TIAM2: variants seen among roughly 807,000 people sequenced by gnomAD.
The protein encoded by TIAM2 is TIAM Rac1 associated GEF 2, also known as rho guanine nucleotide exchange factor TIAM2.
TIAM2 carries 80 observed loss-of-function variants against 152.9 expected under a neutral mutation model. The ratio of observed to expected loss-of-function variants is 0.52; its 90% CI spans 0.44 to 0.63. TIAM2 has a LOEUF of 0.63. TIAM2 is among the 30% of genes least tolerant of loss of function. The pLI, the probability that TIAM2 is intolerant of heterozygous loss-of-function variation, is 0.00. For synonymous variants in TIAM2, 804 were observed against 838.0 expected (o/e 0.96, Z 0.70); for missense variants, 1,965 against 2,120.1 (o/e 0.93, Z 1.44).
At chr6:155,054,175 C>CAAACA (rs146303429) in intron 1 of TIAM2, among the ~76,000 whole-genome samples, 8,113 of 151,908 alleles carry the variant, frequency 0.053, 686 homozygotes, top group African/African-American at 0.18. Flanking sequence ...CTGCATCTCA[C>CAAACA]AAACAAAACA....
intron 1 of TIAM2, among the ~76,000 whole-genome samples, chr6:155,024,401 T>C: frequency 6.6e-6 from 1 of 152,098 alleles, no homozygotes; most frequent in Non-Finnish European, 1.5e-5. Context: ...ACAAATTTCC[T>C]GGAAGAAATT....
intron 1 of TIAM2, among the ~76,000 whole-genome samples, chr6:155,039,748 G>A (rs1562297908): frequency 1.3e-5 from 2 of 152,168 alleles, no homozygotes; most frequent in African/African-American, 4.8e-5. Flanking sequence ...TAAGCTTCAT[G>A]AGTTTAATGT....
intron 16 of TIAM2, among the ~76,000 whole-genome samples, 165 bp from the exon 17 acceptor site, chr6:155,243,846 C>CAAAAAAAAAAAAAA (rs59365890): frequency 2.5e-4 from 14 of 55,052 alleles, no homozygotes; most frequent in African/African-American, 1.0e-3. Context: ...GACTCCGTCT[C>CAAAAAAAAAAAAAA]AAAAAAAAAA....
intron 2 of TIAM2, among the ~76,000 whole-genome samples, chr6:155,105,741 G>A (rs1030956392): frequency 2.0e-5 from 3 of 151,892 alleles, no homozygotes; most frequent in African/African-American, 4.8e-5. Context: ...ATGAGCCACC[G>A]TGCCCAGCCT....
chr6:155,205,764 G>T (rs906546057), intron 14 of TIAM2, among the ~76,000 whole-genome samples: 1 of 152,090 alleles, frequency 6.6e-6, no homozygotes, highest in South Asian at 2.1e-4. Flanking sequence ...ATTGCTGCCC[G>T]TTTCCAAGAA....
chr6:155,109,218 T>C (rs1778774966), intron 2 of TIAM2, among the ~76,000 whole-genome samples: 1 of 152,120 alleles, frequency 6.6e-6, no homozygotes, highest in Non-Finnish European at 1.5e-5. Context: ...TCTCCTGACG[T>C]CATGATCCGC....
chr6:155,127,412 C>T (rs41284210), intron 2 of TIAM2, 78 bp from the exon 3 acceptor site: 34,708 of 365,622 alleles, frequency 0.095, 2,512 homozygotes, highest in East Asian at 0.26. Context: ...ATATAATTTG[C>T]GTTAAGGCTT....
chr6:155,212,512 T>C (rs1583252879), intron 15 of TIAM2, among the ~76,000 whole-genome samples: 1 of 152,216 alleles, frequency 6.6e-6, no homozygotes, highest in African/African-American at 2.4e-5. Flanking sequence ...AAATACAAAA[T>C]AAGAATGGAA....
chr6:155,025,174 C>G (rs1038023270), intron 1 of TIAM2, among the ~76,000 whole-genome samples: 3 of 150,392 alleles, frequency 2.0e-5, no homozygotes, highest in African/African-American at 4.9e-5. Context: ...TTATAGGCAC[C>G]ACGTCTGGCT....
Position 155,188,205 on chromosome 6 carries a change from G to A in TIAM2, c.3064+4705G>A, listed in dbSNP as rs534949231. On this transcript the variant is annotated intron_variant, in intron 14 of 26. Coordinates refer to ENST00000682666, the MANE Select transcript of TIAM2 (RefSeq NM_012454.4). Reference sequence around the variant, plus strand: ...TCGTGCGCTCAGAATGCAGGCAGTCGACTCTTAGCTCACCTCGTTTATTGC... The same window carrying A: ...TCGTGCGCTCAGAATGCAGGCAGTCAACTCTTAGCTCACCTCGTTTATTGC... Among the ~76,000 whole-genome samples, 139 of 152,144 alleles carry A rather than the reference G, an allele frequency of 9.1e-4. 1 individual carries two copies. The highest frequency in any genetic ancestry group is 1.4e-3 in the Non-Finnish European group (98 of 68,044).
intron 2 of TIAM2, among the ~76,000 whole-genome samples, chr6:155,120,164 C>T (rs1197203673): frequency 3.3e-5 from 5 of 152,172 alleles, no homozygotes; most frequent in African/African-American, 7.2e-5. Flanking sequence ...ATGACTTTCC[C>T]GCTTGTTGAA....
intron 4 of TIAM2, among the ~76,000 whole-genome samples, chr6:155,134,666 T>A (rs1779518590): frequency 1.3e-5 from 2 of 152,118 alleles, no homozygotes; most frequent in South Asian, 4.2e-4. Flanking sequence ...ACTAGCTAGA[T>A]GAGAAGTGTT....
At chr6:155,101,642 T>G (rs1336384008) in intron 2 of TIAM2, among the ~76,000 whole-genome samples, 2 of 152,208 alleles carry the variant, frequency 1.3e-5, no homozygotes, top group Non-Finnish European at 2.9e-5. Context: ...GAAGGAGTTT[T>G]TATTGTTTTC....
At chr6:155,233,002 A>T (rs2115277603) in intron 15 of TIAM2, 1 of 152,314 alleles carries the variant, frequency 6.6e-6, no homozygotes, top group East Asian at 1.9e-4. Context: ...CAACACAAAC[A>T]GGTGCCTTTG....
chr6:155,015,104 C>G (rs1778550039), intron 1 of TIAM2, among the ~76,000 whole-genome samples: 1 of 152,010 alleles, frequency 6.6e-6, no homozygotes, highest in Non-Finnish European at 1.5e-5. Flanking sequence ...TCCTGGTGAT[C>G]TGTGCAGAGA....
At chr6:155,049,884 G>T (rs555772342) in intron 1 of TIAM2, among the ~76,000 whole-genome samples, 1 of 152,240 alleles carries the variant, frequency 6.6e-6, no homozygotes, top group African/African-American at 2.4e-5. Context: ...GCACCATGAT[G>T]AAAGTTTGAG....
At chr6:155,157,092 T>A (rs745465669) in intron 7 of TIAM2, among the ~76,000 whole-genome samples, 2 of 152,208 alleles carry the variant, frequency 1.3e-5, no homozygotes, top group African/African-American at 2.4e-5. Context: ...TGTCTGTTTT[T>A]TTATCTCTGA....
At chr6:155,148,032 TA>T in intron 6 of TIAM2, 77 bp from the exon 7 acceptor site, 2 of 1,469,492 alleles carry the variant, frequency 1.4e-6, no homozygotes, top group Non-Finnish European at 9.5e-7. Context: ...TTTGTACATC[TA>T]AGCCCAGCCT....
intron 1 of TIAM2, among the ~76,000 whole-genome samples, chr6:155,074,845 C>A (rs1230084979): frequency 7.9e-6 from 1 of 126,824 alleles, no homozygotes; most frequent in East Asian, 2.3e-4. Flanking sequence ...TGGGTGGAGA[C>A]TCTGTCTCAA....
Sources: gnomAD v4.1 joint callset for allele counts (sites outside exome capture counted in the v4.1 genomes callset) on GRCh38, gnomAD v4.1.1 for gene constraint, MANE v1.5 for transcripts, NCBI Gene and HGNC (gene_info 2026-07-23, HGNC 2026-07-21) for gene names.